MCF2L: variants seen among roughly 807,000 people sequenced by gnomAD.
MCF2L encodes MCF.2 cell line derived transforming sequence like.
In MCF2L, 97 loss-of-function variants were observed where a neutral mutation model predicts 153.4. The observed-to-expected ratio is 0.63, with a 90% CI of 0.54 to 0.75. The LOEUF (loss-of-function observed/expected upper bound fraction) is 0.75. MCF2L is among the 30% of genes least tolerant of loss of function. The pLI is 0.00. For missense variants in MCF2L, 1,347 were observed against 1,495.2 expected, an observed-to-expected ratio of 0.90 and a Z score of 1.64; for synonymous variants, 659 against 632.2, an observed-to-expected ratio of 1.04 and a Z score of -0.64.
At chr13:113,073,701 G>T (rs1304402196) in intron 9 of MCF2L, among the ~76,000 whole-genome samples, 1 of 152,170 alleles carries the variant, frequency 6.6e-6, no homozygotes, top group African/African-American at 2.4e-5. Flanking sequence ...GATCACCTGT[G>T]GTCAGGAGTT....
chr13:113,011,546 T>A (rs1213160671), intron 1 of MCF2L, among the ~76,000 whole-genome samples: 2 of 138,810 alleles, frequency 1.4e-5, no homozygotes, highest in Non-Finnish European at 3.0e-5. Flanking sequence ...GACACTGCGA[T>A]GAGGACGGTG....
At position 113,085,264 on chromosome 13, in the gene MCF2L, G is replaced by A. The variant is rs548228022; in HGVS notation, c.2247+86G>A. On this transcript the variant is annotated intron_variant, in intron 20 of 29. Transcript: ENST00000535094. ...CGCCCTGGGGCCCCGTCCCCATCGC[G>A]CCCTGCCCCTCCCAGGCCAAGGGCA... 93 of 1,152,604 alleles carry A rather than the reference G, an allele frequency of 8.1e-5. No homozygotes were observed. The African/African-American group carries it at 1.2e-3, about 15-fold the overall frequency. The allele number at this position is 1,152,604 out of a possible 1,614,324, so 71.4% of individuals were successfully genotyped here. A position where few individuals can be genotyped will look rare whatever the true frequency, so the allele number is the denominator to read the frequency against.
At chr13:113,005,072 G>A (rs2083597258) in intron 1 of MCF2L, among the ~76,000 whole-genome samples, 1 of 152,196 alleles carries the variant, frequency 6.6e-6, no homozygotes, top group African/African-American at 2.4e-5. Flanking sequence ...GCCCACACGT[G>A]GAATCGACCC....
chr13:112,994,038 C>T (rs1050630986), intron 1 of MCF2L, among the ~76,000 whole-genome samples: 2 of 152,178 alleles, frequency 1.3e-5, no homozygotes, highest in East Asian at 3.9e-4. Flanking sequence ...GCCGACCCTC[C>T]GCCTTCGTCT....
intron 2 of MCF2L, 32 bp from the exon 3 acceptor site, chr13:113,024,612 C>A (rs192903882): frequency 1.3e-6 from 2 of 1,500,534 alleles, no homozygotes; most frequent in African/African-American, 1.4e-5. Context: ...ATGGAGCCCT[C>A]GGCTAAGGGT....
Position 113,070,286 on chromosome 13 carries a change from T to G in MCF2L, c.996+113T>G, listed in dbSNP as rs41286604. The G allele has an allele frequency of 0.041, 26,463 of 643,272 alleles. 631 individuals are homozygous for G. The highest frequency in any genetic ancestry group is 0.082 in the Middle Eastern group (197 of 2,410). The allele number at this position is 643,272 out of a possible 1,614,324, so 39.8% of individuals were successfully genotyped here. On this transcript the variant is annotated intron_variant, in intron 9 of 29. Coordinates refer to ENST00000535094, the MANE Select transcript of MCF2L (RefSeq NM_001112732.3). This position sits in a 1 kb window ranked among gnomAD's most constrained non-coding sequence, Gnocchi z 5.6. ...GCCGTGCCACCCAGTTGACTTTGGC[T>G]TAATGCAGAAAAGTCTCCGCTTGCC...
chr13:112,935,435 T>G (rs2081505276), intron 2 of MCF2L, among the ~76,000 whole-genome samples: 1 of 152,144 alleles, frequency 6.6e-6, no homozygotes, highest in African/African-American at 2.4e-5. Flanking sequence ...TTTTGTATTT[T>G]TAGTAGAGAT....
At chr13:112,976,535 C>T (rs535961914) in intron 1 of MCF2L, among the ~76,000 whole-genome samples, 15 of 152,322 alleles carry the variant, frequency 9.8e-5, no homozygotes, top group African/African-American at 3.6e-4. Flanking sequence ...GCCTTCAGGT[C>T]GCTCATGGGG....
chr13:113,074,341 C>G lies in MCF2L; in HGVS notation c.997-103C>G. The G allele has an allele frequency of 6.8e-7, 1 of 1,467,466 alleles. No homozygotes were observed. The highest frequency in any genetic ancestry group is 2.3e-5 in the East Asian group (1 of 43,308). 90.9% of individuals were successfully genotyped at this position (1,467,466 alleles called of 1,614,324 possible). On this transcript the variant is annotated intron_variant, in intron 9 of 29. Transcript: ENST00000535094. The surrounding 1 kb of genome is among the most constrained non-coding windows in gnomAD (Gnocchi z 4.2). ...CTGCTTGATTGATGACCACTTGGCC[C>G]GACTTTGAATTCTGTCATTTCCCTG... is the stretch of plus-strand genomic sequence containing the variant.
chr13:113,005,022 TGAGCGTGTTAAAGAG>T (rs2083594152), intron 1 of MCF2L, among the ~76,000 whole-genome samples: 1 of 151,430 alleles, frequency 6.6e-6, no homozygotes, highest in African/African-American at 2.4e-5. Context: ...GGGAAAGGAG[TGAGCGTGTTAAAGAG>T]CCACCCGCCC....
rs935201007 is a variant in MCF2L at position 113,054,523 on chromosome 13, A to G, written c.370-6070A>G. Reference sequence around the variant, plus strand: ...CTTCATCTGTTAACACAGAGACACAAACAAACTTTCAAATGCATATTTTTT... The same window carrying G: ...CTTCATCTGTTAACACAGAGACACAGACAAACTTTCAAATGCATATTTTTT... On this transcript the variant is annotated intron_variant, in intron 4 of 29. Coordinates refer to ENST00000535094, the MANE Select transcript of MCF2L (RefSeq NM_001112732.3). This position sits in a 1 kb window ranked among gnomAD's most constrained non-coding sequence, Gnocchi z 5.2. The G allele has an allele frequency of 3.1e-5, 5 of 160,162 alleles. No individual in the cohort carries two copies. The highest frequency in any genetic ancestry group is 7.3e-5 in the Non-Finnish European group (5 of 68,076). 9.9% of individuals were successfully genotyped at this position (160,162 alleles called of 1,614,324 possible). A position where few individuals can be genotyped will look rare whatever the true frequency, so the allele number is the denominator to read the frequency against.
At chr13:113,094,771 G>T in intron 27 of MCF2L, 136 bp downstream of exon 27, 3 of 1,235,862 alleles carry the variant, frequency 2.4e-6, no homozygotes, top group Non-Finnish European at 3.4e-6. Context: ...GTCCACATGG[G>T]CCTGGGTCTT....
intron 2 of MCF2L, among the ~76,000 whole-genome samples, chr13:112,934,917 C>T (rs1352128720): frequency 6.6e-6 from 1 of 152,240 alleles, no homozygotes; most frequent in African/African-American, 2.4e-5. Context: ...ACTTTGCTTC[C>T]TGGTCCTGGA....
intron 16 of MCF2L, 61 bp from the exon 17 acceptor site, chr13:113,082,366 C>T (rs2034224233): frequency 1.0e-6 from 1 of 986,862 alleles, no homozygotes; most frequent in East Asian, 2.4e-5. Flanking sequence ...ATCCCTGGCC[C>T]ACCTGCCCCC....
intron 4 of MCF2L, among the ~76,000 whole-genome samples, chr13:113,057,159 G>T (rs1266791289): frequency 1.4e-4 from 21 of 147,628 alleles, no homozygotes; most frequent in African/African-American, 4.8e-4. Flanking sequence ...AGTGGGTGCT[G>T]AATGTTTGGG....
intron 2 of MCF2L, among the ~76,000 whole-genome samples, chr13:112,911,176 T>C (rs1319655660): frequency 2.0e-5 from 3 of 152,198 alleles, no homozygotes; most frequent in Admixed American, 2.0e-4. Flanking sequence ...CTCAGGAGCC[T>C]AAGCCCAGCT....
At chr13:113,066,928 C>T (rs1041341444) in intron 8 of MCF2L, among the ~76,000 whole-genome samples, 1 of 152,246 alleles carries the variant, frequency 6.6e-6, no homozygotes, top group African/African-American at 2.4e-5. Flanking sequence ...CAGCGTGGCC[C>T]ACACCCTGAG....
chr13:113,084,814 A>G (rs553984720), intron 18 of MCF2L, 78 bp from the exon 19 acceptor site: 78 of 1,066,856 alleles, frequency 7.3e-5, no homozygotes, highest in Middle Eastern at 4.2e-4. Context: ...CTCACCGCGT[A>G]ATGCGGTGCC....
chr13:113,055,444 A>C (rs1048517838), intron 4 of MCF2L, among the ~76,000 whole-genome samples: 13 of 105,924 alleles, frequency 1.2e-4, no homozygotes, highest in Admixed American at 2.6e-4. Context: ...ACACACACAC[A>C]CCTGGCTTCA....
Sources: gnomAD v4.1 joint callset for allele counts (sites outside exome capture counted in the v4.1 genomes callset) on GRCh38, gnomAD v4.1.1 for gene constraint, Gnocchi (gnomAD v3.1) non-coding constraint, MANE v1.5 for transcripts, NCBI Gene and HGNC (gene_info 2026-07-23, HGNC 2026-07-21) for gene names.